ANK3: variants seen among roughly 807,000 people sequenced by gnomAD.
ANK3 encodes ankyrin-3.
A neutral mutation model predicts 370.9 loss-of-function variants in ANK3; 57 were observed. The observed-to-expected ratio is 0.15, with a 90% CI of 0.12 to 0.19. ANK3 has a LOEUF of 0.19. ANK3 is among the 10% of genes least tolerant of loss of function. The probability of loss-of-function intolerance (pLI) is 1.00; values close to 1 mark genes in which losing one functional copy is unlikely to be tolerated. For synonymous variants in ANK3, 1,929 were observed against 1,946.3 expected (o/e 0.99, Z 0.23); for missense variants, 4,439 against 5,302.1 (o/e 0.84, Z 5.06).
chr10:60,047,093 C>CA (rs1204843758), intron 42 of ANK3, among the ~76,000 whole-genome samples: 1 of 152,216 alleles, frequency 6.6e-6, no homozygotes, highest in African/African-American at 2.4e-5. Flanking sequence ...AGGCCTGAGC[C>CA]ACCGCGCCCG....
At chr10:60,708,424 A>G (rs1295543854) in intron 1 of ANK3, among the ~76,000 whole-genome samples, 2 of 152,228 alleles carry the variant, frequency 1.3e-5, no homozygotes, top group Non-Finnish European at 2.9e-5. Flanking sequence ...GGGAGAATAT[A>G]TTTAACATAA....
At chr10:60,731,173 T>A (rs750672011) in intron 1 of ANK3, among the ~76,000 whole-genome samples, 39 of 152,324 alleles carry the variant, frequency 2.6e-4, no homozygotes, top group South Asian at 1.7e-3. Context: ...GTTATCAACA[T>A]ATTATTCTAG....
At position 60,106,063 on chromosome 10, in the gene ANK3, G is replaced by GA. The variant is rs556151383; in HGVS notation, c.3174-5dup. 427 of 1,588,132 alleles carry GA rather than the reference G, an allele frequency of 2.7e-4. 3 individuals carry two copies. In the South Asian group the frequency reaches 2.7e-3, roughly 10 times the overall value. On this transcript the variant is annotated splice_region_variant and splice_polypyrimidine_tract_variant and intron_variant, in intron 27 of 43. Coordinates refer to ENST00000280772, the MANE Select transcript of ANK3 (RefSeq NM_020987.5). ...AGGGATTTCCACTATGACAGGGCTG[G>GA]AAAAAAAATCCACATTATTTTGGTA...
intron 2 of ANK3, among the ~76,000 whole-genome samples, chr10:60,530,114 A>G (rs1595216029): frequency 1.3e-5 from 2 of 152,196 alleles, no homozygotes; most frequent in East Asian, 1.9e-4. Flanking sequence ...CCCCCACCAC[A>G]AGACAGAAGC....
In ANK3 at chr10:60,474,599, G is replaced by A. The variant is rs116797570; in HGVS notation, c.96+140587C>T. Among the ~76,000 whole-genome samples, 759 of 152,212 alleles carry A rather than the reference G, an allele frequency of 5.0e-3. 9 individuals carry two copies. The highest frequency in any genetic ancestry group is 0.017 in the African/African-American group (711 of 41,526). ...TTTAAGATCTGTGATTTCATACTTC[G>A]GCCTCTAGCAATTGTGGCCTTTCAA... is the stretch of plus-strand genomic sequence containing the variant. On this transcript the variant is annotated intron_variant, in intron 2 of 43. Transcript: ENST00000373827.
rs996285603 is a variant in ANK3 at position 60,635,789 on chromosome 10, C to T, written c.58-20565G>A. ...TTTAAACAAAAATTATAACACACAGCCCCAGACAGCCTTTTCTCCCATCTC... is the reference window on the plus strand; with the variant it reads ...TTTAAACAAAAATTATAACACACAGTCCCAGACAGCCTTTTCTCCCATCTC... On this transcript the variant is annotated intron_variant, in intron 1 of 43. Coordinates refer to the ANK3 transcript ENST00000373827. Among the ~76,000 whole-genome samples the T allele has an allele frequency of 9.9e-5, 15 of 151,870 alleles. 1 individual carries two copies. Among genetic ancestry groups the T allele is most frequent in the South Asian group, 8.3e-4 (4 of 4,806 alleles).
At chr10:60,202,909 A>T in intron 12 of ANK3, 93 bp downstream of exon 12, 1 of 850,074 alleles carries the variant, frequency 1.2e-6, no homozygotes, top group Non-Finnish European at 1.8e-6. Context: ...TCCAACTCTT[A>T]AAAAAATAAA....
chr10:60,291,012 G>A (rs1167968189), intron 1 of ANK3, among the ~76,000 whole-genome samples: 1 of 151,986 alleles, frequency 6.6e-6, no homozygotes, highest in Non-Finnish European at 1.5e-5. Flanking sequence ...GGCCGTGGGG[G>A]TATTTTTTCT....
intron 1 of ANK3, among the ~76,000 whole-genome samples, chr10:60,283,587 G>GTTTAT (rs2098198665): frequency 6.6e-6 from 1 of 152,006 alleles, no homozygotes; most frequent in East Asian, 1.9e-4. Context: ...GGAAATGAAA[G>GTTTAT]TTTATTTTAT....
At chr10:60,239,791 G>A (rs1444956706) in intron 7 of ANK3, among the ~76,000 whole-genome samples, 2 of 151,740 alleles carry the variant, frequency 1.3e-5, no homozygotes, top group Non-Finnish European at 2.9e-5. Flanking sequence ...AAAGTAAAAC[G>A]TATGACAACA....
At chr10:60,470,424 CAAT>C (rs1160826624) in intron 2 of ANK3, among the ~76,000 whole-genome samples, 1 of 151,340 alleles carries the variant, frequency 6.6e-6, no homozygotes, top group Non-Finnish European at 1.5e-5. Context: ...TTGCATTTTC[CAAT>C]AATATCAATG....
chr10:60,107,040 T>C (rs1259263021), intron 27 of ANK3, among the ~76,000 whole-genome samples: 2 of 152,252 alleles, frequency 1.3e-5, no homozygotes, highest in Admixed American at 1.3e-4. Flanking sequence ...GAAAAAGGGA[T>C]AGTAGTTGTA....
intron 2 of ANK3, among the ~76,000 whole-genome samples, chr10:60,479,371 G>T (rs1011852660): frequency 6.6e-6 from 1 of 152,114 alleles, no homozygotes; most frequent in African/African-American, 2.4e-5. Flanking sequence ...TTGTAGACTA[G>T]GAGCAATAGA....
intron 1 of ANK3, among the ~76,000 whole-genome samples, chr10:60,717,875 C>A (rs1216594656): frequency 6.6e-6 from 1 of 152,134 alleles, no homozygotes; most frequent in African/African-American, 2.4e-5. Context: ...GGAGCAAAAA[C>A]CAATTTATAA....
intron 2 of ANK3, among the ~76,000 whole-genome samples, chr10:60,481,144 CA>C (rs2075204190): frequency 6.6e-6 from 1 of 152,118 alleles, no homozygotes; most frequent in African/African-American, 2.4e-5. Flanking sequence ...AAAGATTAAT[CA>C]AAGTGATCTT....
chr10:60,398,202 G>A (rs1041173042), intron 2 of ANK3, among the ~76,000 whole-genome samples: 27 of 152,092 alleles, frequency 1.8e-4, no homozygotes, highest in African/African-American at 5.8e-4. Context: ...TAACTTTCAG[G>A]TGTCACCAAA....
chr10:60,443,350 G>A (rs2064349026), intron 2 of ANK3, among the ~76,000 whole-genome samples: 1 of 151,864 alleles, frequency 6.6e-6, no homozygotes, highest in South Asian at 2.1e-4. Context: ...TGTGGGCTGA[G>A]GATGGATCAC....
chr10:60,362,601 G>T (rs1437881812), intron 1 of ANK3, among the ~76,000 whole-genome samples: 1 of 152,172 alleles, frequency 6.6e-6, no homozygotes, highest in Non-Finnish European at 1.5e-5. Flanking sequence ...AGTGGTCAGG[G>T]CTGTGGTTTT....
intron 8 of ANK3, among the ~76,000 whole-genome samples, chr10:60,226,572 ATG>A (rs1491372700): frequency 1.3e-3 from 28 of 21,576 alleles, no homozygotes; most frequent in East Asian, 6.0e-3. Context: ...TACATAGTAT[ATG>A]TATATATACT....
Sources: allele counts gnomAD v4.1 joint callset (sites outside exome capture counted in the v4.1 genomes callset), GRCh38; gene constraint gnomAD v4.1.1; transcripts MANE v1.5; gene names NCBI Gene and HGNC (gene_info 2026-07-23, HGNC 2026-07-21).